MRNIP: variants seen among roughly 807,000 people sequenced by gnomAD.
MRNIP encodes the protein MRN complex interacting protein, also known as MRN complex-interacting protein.
A neutral mutation model predicts 29.8 loss-of-function variants in MRNIP; 30 were observed. The ratio of observed to expected loss-of-function variants is 1.01; its 90% confidence interval spans 0.75 to 1.36. The LOEUF is 1.36. Ranked by LOEUF, MRNIP falls within the 40% of genes most tolerant of loss-of-function variation. The probability of loss-of-function intolerance (pLI) is 0.00; values close to 1 mark genes in which losing one functional copy is unlikely to be tolerated. For synonymous variants in MRNIP, 201 were observed against 164.1 expected (o/e 1.23, Z -1.72); for missense variants, 459 against 423.5 (o/e 1.08, Z -0.74).
chr5:179,849,562 G>C (rs1371980208), intron 2 of MRNIP, among the ~76,000 whole-genome samples: 1 of 151,158 alleles, frequency 6.6e-6, no homozygotes, highest in African/African-American at 2.4e-5. Context: ...TGGAATTTGT[G>C]ACCATGGGTC....
At chr5:179,853,084 G>C (rs1391026290) in intron 2 of MRNIP, 1 of 588,842 alleles carries the variant, frequency 1.7e-6, no homozygotes, top group African/African-American at 1.9e-5. Context: ...CCACACAAGT[G>C]CATCTGTGAG....
intron 4 of MRNIP, among the ~76,000 whole-genome samples, 196 bp from the exon 5 acceptor site, chr5:179,842,260 G>A (rs1055639698): frequency 1.3e-5 from 2 of 152,066 alleles, no homozygotes; most frequent in Non-Finnish European, 2.9e-5. Context: ...CACAGGCCTC[G>A]GGAAGGCGGC....
intron 2 of MRNIP, among the ~76,000 whole-genome samples, chr5:179,848,754 C>T (rs1313876043): frequency 6.6e-6 from 1 of 152,230 alleles, no homozygotes; most frequent in Non-Finnish European, 1.5e-5. Context: ...TCAAGAAATG[C>T]ATCTCTAAGA....
chr5:179,847,288 C>A (rs972696992), intron 3 of MRNIP: 1 of 151,204 alleles, frequency 6.6e-6, no homozygotes, highest in Non-Finnish European at 1.5e-5. Context: ...CTACCTCAGC[C>A]TCCTGAGTAG....
Position 179,837,867 on chromosome 5 carries a change from A to C in MRNIP, c.556T>G (p.Trp186Gly). 2.5e-6 allele frequency: 4 copies of C among 1,606,832 alleles called. No individual in the cohort carries two copies. Among genetic ancestry groups the C allele is most frequent in the Non-Finnish European group, 3.4e-6 (4 of 1,179,512 alleles). ...GPQKGQAGLT[W>G]KVKQGSSPCL... ...GGGCTGCTGCCTTGTTTCACCTTCC[A>C]TGTCAGGCCAGCCTGTCCCTGAAAG... The change falls in exon 7 of 7, where the codon TGG (tryptophan) becomes GGG (glycine). Residue 186 changes from tryptophan (W) to glycine (G), a missense_variant. Physicochemically the swap from Trp to Gly is radical, Grantham distance 184. Transcript: ENST00000292586.
At chr5:179,850,910 A>G (rs1759341367) in intron 2 of MRNIP, among the ~76,000 whole-genome samples, 1 of 19,664 alleles carries the variant, frequency 5.1e-5, no homozygotes, top group Non-Finnish European at 7.0e-5. Flanking sequence ...CTCAGTGGCT[A>G]GAAGCACAGT....
chr5:179,858,709 A>AGGG, intron 1 of MRNIP, 22 bp downstream of exon 1: 1 of 1,418,664 alleles, frequency 7.0e-7, no homozygotes, highest in Non-Finnish European at 9.5e-7. Context: ...GAGGAGGAGG[A>AGGG]GGGGGCTGGC....
chr5:179,845,160 A>T (rs1759075257), intron 3 of MRNIP, among the ~76,000 whole-genome samples: 3 of 151,248 alleles, frequency 2.0e-5, no homozygotes, highest in Non-Finnish European at 4.4e-5. Context: ...TTCTCTCTTC[A>T]GCTGCATTTA....
At chr5:179,840,601 T>C (rs1758838092) in intron 6 of MRNIP, 2 of 567,482 alleles carry the variant, frequency 3.5e-6, no homozygotes, top group African/African-American at 1.9e-5. Context: ...CATCGTCAGG[T>C]TGACCTGCTG....
In MRNIP at chr5:179,837,767, A is replaced by C. The variant is rs1363690337; in HGVS notation, c.656T>G (p.Ile219Ser). 1 of 1,614,212 alleles carries C rather than the reference A, an allele frequency of 6.2e-7. No homozygotes were observed. Among genetic ancestry groups the C allele is most frequent in the East Asian group, 2.2e-5 (1 of 44,884 alleles). ...RGPGKELWSP[I>S]QQVTATSSKW... ...AGAGGATGTGGCTGTAACCTGCTGGATGGGACTCCATAGCTCCTTCCCAGG... is the reference window on the plus strand; with the variant it reads ...AGAGGATGTGGCTGTAACCTGCTGGCTGGGACTCCATAGCTCCTTCCCAGG... The change falls in exon 7 of 7, where the codon ATC becomes AGC. Residue 219 changes from isoleucine to serine, a missense_variant. Transcript: ENST00000292586.
In MRNIP at chr5:179,848,036, T is replaced by C. The variant is rs144452282; in HGVS notation, c.157A>G (p.Arg53Gly). The C allele has an allele frequency of 1.2e-6, 2 of 1,613,884 alleles. No homozygotes were observed. Among genetic ancestry groups the C allele is most frequent in the African/African-American group, 1.3e-5 (1 of 74,918 alleles). ...AGATTTAACTTTTGGACATGGCGTCTACAATCAGCACCAGAGCCTTCACCA... is the reference window on the plus strand; with the variant it reads ...AGATTTAACTTTTGGACATGGCGTCCACAATCAGCACCAGAGCCTTCACCA... ...AYGEGSGADC[R>G]RHVQKLNLLQ... Residue 53 changes from arginine (R) to glycine (G), a missense_variant, in exon 3 of 7, where the codon AGA (arginine) becomes GGA (glycine). Physicochemically the swap from Arg to Gly is moderately radical, Grantham distance 125. Transcript: ENST00000292586.
In MRNIP at chr5:179,837,886, C is replaced by G. The variant is rs201824663; in HGVS notation, c.538-1G>C. 306 of 1,601,874 alleles carry G rather than the reference C, an allele frequency of 1.9e-4. 3 individuals are homozygous for G. In the South Asian group the frequency reaches 3.3e-3, roughly 17 times the overall value. On this transcript the variant is annotated splice_acceptor_variant, in intron 6 of 6. Coordinates refer to ENST00000292586, the MANE Select transcript of MRNIP (RefSeq NM_016175.4). LOFTEE classifies it high-confidence loss of function. ...CCTTCCATGTCAGGCCAGCCTGTCC[C>G]TGAAAGAGAAGATGGCCATGCCCTC...
intron 2 of MRNIP, among the ~76,000 whole-genome samples, chr5:179,848,839 C>T (rs1055386239): frequency 1.3e-5 from 2 of 152,166 alleles, no homozygotes; most frequent in African/African-American, 4.8e-5. Context: ...AACATTCCAG[C>T]AGAAGCAATA....
intron 1 of MRNIP, among the ~76,000 whole-genome samples, chr5:179,856,653 A>G (rs1236155267): frequency 6.6e-6 from 1 of 152,134 alleles, no homozygotes; most frequent in East Asian, 1.9e-4. Flanking sequence ...TTTGAATTTT[A>G]GTAGAGACAA....
intron 6 of MRNIP, chr5:179,839,533 ACT>A (rs1313478689): frequency 1.3e-5 from 2 of 152,218 alleles, no homozygotes; most frequent in African/African-American, 2.4e-5. Flanking sequence ...CCCGTGGCAG[ACT>A]CTCTGGTCAT....
At chr5:179,857,752 C>T (rs553292214) in intron 1 of MRNIP, among the ~76,000 whole-genome samples, 1 of 152,182 alleles carries the variant, frequency 6.6e-6, no homozygotes, top group East Asian at 1.9e-4. Context: ...ATGGCTCTCG[C>T]CTGTAATCCC....
rs116069534 is a variant in MRNIP, at chr5:179,837,633, G to C, written c.790C>G (p.Gln264Glu). The C allele has an allele frequency of 2.4e-4, 386 of 1,614,228 alleles. 1 individual carries two copies. The African/African-American group carries it at 4.6e-3, about 19-fold the overall frequency. The change falls in exon 7 of 7, where the codon CAA becomes GAA. Residue 264 changes from glutamine (Q) to glutamate (E), a missense_variant. By Grantham distance (29) the Gln-to-Glu change is conservative. Coordinates refer to ENST00000292586, the MANE Select transcript of MRNIP (RefSeq NM_016175.4). Reference protein sequence around the residue: ...PRPAGPAQAKQGTPRAQASRE... With the variant: ...PRPAGPAQAKEGTPRAQASRE... ...GAGGCCTGTGCTCTGGGGGTCCCTT[G>C]CTTAGCCTGTGCTGGACCAGCTGGC...
Position 179,837,878 on chromosome 5 carries a change from G to A in MRNIP, c.545C>T (p.Ala182Val). ...TTGTTTCACCTTCCATGTCAGGCCA[G>A]CCTGTCCCTGAAAGAGAAGATGGCC... is the stretch of plus-strand genomic sequence containing the variant. ...EVAWGPQKGQ[A>V]GLTWKVKQGS... The change falls in exon 7 of 7, where the codon GCT becomes GTT. Residue 182 changes from alanine (A) to valine (V), a missense_variant. Ala to Val is a moderately conservative substitution (Grantham distance 64). Transcript: ENST00000292586. The A allele has an allele frequency of 6.2e-7, 1 of 1,604,176 alleles. No individual in the cohort carries two copies.
At chr5:179,847,444 A>C (rs1436636046) in intron 3 of MRNIP, 1 of 153,714 alleles carries the variant, frequency 6.5e-6, no homozygotes, top group Non-Finnish European at 1.4e-5. Context: ...CTGGGACTAC[A>C]AGCATGAGCC....
Sources: allele counts gnomAD v4.1 joint callset (sites outside exome capture counted in the v4.1 genomes callset), GRCh38; gene constraint gnomAD v4.1.1; transcripts MANE v1.5; gene names NCBI Gene and HGNC (gene_info 2026-07-23, HGNC 2026-07-21).